The following MAP3K4 variants were observed in gnomAD, a reference collection of about 807,000 sequenced individuals.
The protein encoded by MAP3K4 is MAP three kinase 1.
A neutral mutation model predicts 185.6 loss-of-function variants in MAP3K4; 67 were observed. The ratio of observed to expected loss-of-function variants is 0.36; its 90% CI spans 0.30 to 0.44. The LOEUF (loss-of-function observed/expected upper bound fraction) is 0.44. Ranked by LOEUF, MAP3K4 falls within the 20% of genes least tolerant of loss-of-function variation. The probability of loss-of-function intolerance (pLI) is 1.00; values close to 1 mark genes in which losing one functional copy is unlikely to be tolerated. For synonymous variants in MAP3K4, 702 were observed against 710.4 expected (o/e 0.99, Z 0.19); for missense variants, 1,551 against 1,995.1 (o/e 0.78, Z 4.24).
At chr6:160,999,286 A>C (rs141308034) in intron 1 of MAP3K4, among the ~76,000 whole-genome samples, 2 of 152,272 alleles carry the variant, frequency 1.3e-5, no homozygotes, top group Admixed American at 6.5e-5. Context: ...GAAATTGTCA[A>C]CCTTTTTAGT....
At chr6:161,018,303 A>C (rs1438529849) in intron 1 of MAP3K4, among the ~76,000 whole-genome samples, 1 of 152,204 alleles carries the variant, frequency 6.6e-6, no homozygotes. Context: ...TGTGTGGAAT[A>C]GAAACTCTGC....
Position 161,102,790 on chromosome 6 carries a change from G to C in MAP3K4, c.3856+11G>C. 7 of 778,306 alleles carry C rather than the reference G, an allele frequency of 9.0e-6. No individual in the cohort carries two copies. Among genetic ancestry groups the C allele is most frequent in the Non-Finnish European group, 1.4e-5 (7 of 507,838 alleles). 48.2% of individuals were successfully genotyped at this position (778,306 alleles called of 1,614,324 possible). A position where few individuals can be genotyped will look rare whatever the true frequency, so the allele number is the denominator to read the frequency against. Reference sequence around the variant, plus strand: ...TCAGCCAGAGTAAAGGTGAGAGAAAGAGTGTTGAAGTTAAAAAAAAAAAAA... The same window carrying C: ...TCAGCCAGAGTAAAGGTGAGAGAAACAGTGTTGAAGTTAAAAAAAAAAAAA... On this transcript the variant is annotated intron_variant, in intron 19 of 26. Transcript: ENST00000392142.
chr6:161,060,866 G>A (rs879731008), intron 3 of MAP3K4, among the ~76,000 whole-genome samples: 7 of 151,968 alleles, frequency 4.6e-5, no homozygotes, highest in Admixed American at 3.3e-4. Flanking sequence ...GTGATCTGCC[G>A]GCCTCGGCCT....
Position 161,089,430 on chromosome 6 carries a change from T to G in MAP3K4, c.2932T>G (p.Ser978Ala). Residue 978 changes from serine (S) to alanine (A), a missense_variant, in exon 11 of 27, where the codon TCC becomes GCC. By Grantham distance (99) the Ser-to-Ala change is moderately conservative. Coordinates refer to ENST00000392142, the MANE Select transcript of MAP3K4 (RefSeq NM_005922.4). ...TATGACTCTGTGCCAGGAGCAGACATCCAGTCAGCCGGTCATCGCCAAAGC... is the reference window on the plus strand; with the variant it reads ...TATGACTCTGTGCCAGGAGCAGACAGCCAGTCAGCCGGTCATCGCCAAAGC... ...GLMTLCQEQT[S>A]SQPVIAKALQ... is the part of the protein sequence containing the mutation. 6.2e-7 allele frequency: 1 copy of G among 1,614,182 alleles called. No individual in the cohort carries two copies. Among genetic ancestry groups the G allele is most frequent in the East Asian group, 2.2e-5 (1 of 44,882 alleles).
chr6:161,105,070 G>A (rs759640002), intron 19 of MAP3K4, among the ~76,000 whole-genome samples: 1 of 152,164 alleles, frequency 6.6e-6, no homozygotes, highest in Non-Finnish European at 1.5e-5. Flanking sequence ...AACCATGGTT[G>A]TCAATTTATG....
rs112861446 is a variant in MAP3K4 at position 161,116,831 on chromosome 6, C to G, written c.4807-19C>G. 322 of 1,613,888 alleles carry G rather than the reference C, an allele frequency of 2.0e-4. No individual in the cohort carries two copies. Among genetic ancestry groups the G allele is most frequent in the Admixed American group, 1.3e-3 (79 of 60,022 alleles). On this transcript the variant is annotated intron_variant, in intron 26 of 26. Transcript: ENST00000392142. The surrounding 1 kb of genome is among the most constrained non-coding windows in gnomAD (Gnocchi z 6.2). ...CACCTGGCTCTGCAAGAGCTCAGCT[C>G]TCTCCTGCTTCCTCACAGGTTTGCA...
rs1264152465 is a variant in MAP3K4, at chr6:161,101,945, A to C, written c.3728A>C (p.Gln1243Pro). The C allele has an allele frequency of 6.2e-7, 1 of 1,614,054 alleles. No individual in the cohort carries two copies. The highest frequency in any genetic ancestry group is 2.2e-5 in the East Asian group (1 of 44,896). The change falls in exon 18 of 27, where the codon CAG (glutamine) becomes CCG (proline). Residue 1243 changes from glutamine (Q) to proline (P), a missense_variant. By Grantham distance (76) the Gln-to-Pro change is moderately conservative (BLOSUM62 -1). This residue lies in a region of MAP3K4 where 272 missense variants were observed against 301.2 expected (regional missense o/e 0.90). Transcript: ENST00000392142. This position sits in a 1 kb window ranked among gnomAD's most constrained non-coding sequence, Gnocchi z 5.1. ...DRLASIAAEL[Q>P]FRSLSRHSSP... Reference sequence around the variant, plus strand: ...TTGGCTTCCATAGCTGCTGAATTGCAGTTTAGGTCCCTGAGTCGTCACTCA... The same window carrying C: ...TTGGCTTCCATAGCTGCTGAATTGCCGTTTAGGTCCCTGAGTCGTCACTCA...
rs768438680 is a variant in MAP3K4, at chr6:161,093,060, T to G, written c.3348+4T>G. ...TTTACCAGAAGATGACTTCTTGGTA[T>G]GGATTATTCTAAAGTTTTTTTCATT... On this transcript the variant is annotated splice_donor_region_variant and intron_variant, in intron 14 of 26. Coordinates refer to ENST00000392142, the MANE Select transcript of MAP3K4 (RefSeq NM_005922.4). The surrounding 1 kb of genome is among the most constrained non-coding windows in gnomAD (Gnocchi z 5.2). 1 of 1,599,360 alleles carries G rather than the reference T, an allele frequency of 6.3e-7. No individual in the cohort carries two copies. Among genetic ancestry groups the G allele is most frequent in the South Asian group, 1.1e-5 (1 of 89,908 alleles).
At position 161,102,769 on chromosome 6, in the gene MAP3K4, C is replaced by T; in HGVS notation, c.3846C>T (p.Ser1282=). The T allele has an allele frequency of 1.3e-6, 2 of 1,533,198 alleles. No individual in the cohort carries two copies. Among genetic ancestry groups the T allele is most frequent in the Non-Finnish European group, 1.8e-6 (2 of 1,124,818 alleles). The allele number at this position is 1,533,198 out of a possible 1,614,324, so 95.0% of individuals were successfully genotyped here. ...RRSWELRTLI[S]QSKDTASKLG... ...GTTGGGAACTTCGGACACTAATCAG[C>T]CAGAGTAAAGGTGAGAGAAAGAGTG... The change falls in exon 19 of 27, where the codon AGC becomes AGT. Residue 1282 remains serine (S), a synonymous_variant. Transcript: ENST00000392142.
intron 5 of MAP3K4, among the ~76,000 whole-genome samples, chr6:161,079,898 G>T (rs1028236958): frequency 6.6e-6 from 1 of 152,188 alleles, no homozygotes; most frequent in African/African-American, 2.4e-5. Flanking sequence ...GTTATTACTA[G>T]ATCTCAGAAA....
chr6:161,018,905 A>G (rs1238737774), intron 1 of MAP3K4, among the ~76,000 whole-genome samples: 1 of 152,256 alleles, frequency 6.6e-6, no homozygotes, highest in Non-Finnish European at 1.5e-5. Context: ...ACGTGAAATG[A>G]TAGATATGCT....
intron 1 of MAP3K4, among the ~76,000 whole-genome samples, chr6:161,019,690 T>G (rs946976583): frequency 2.0e-5 from 3 of 152,230 alleles, no homozygotes; most frequent in African/African-American, 7.2e-5. Flanking sequence ...ATTACAGGCG[T>G]GAGCTGTGGA....
Position 161,048,875 on chromosome 6 carries a change from T to A in MAP3K4, c.603T>A (p.Ser201=). 6.2e-7 allele frequency: 1 copy of A among 1,614,236 alleles called. No individual in the cohort carries two copies. Among genetic ancestry groups the A allele is most frequent in the Non-Finnish European group, 8.5e-7 (1 of 1,180,050 alleles). The change falls in exon 3 of 27, where the codon TCT becomes TCA. Residue 201 remains serine (S), a synonymous_variant. Transcript: ENST00000392142. The surrounding 1 kb of genome is among the most constrained non-coding windows in gnomAD (Gnocchi z 4.7). Reference sequence around the variant, plus strand: ...GTAGCAATGCTAAGCTTCCAGTATCTGTGCCCATGCCTATAGCCAGACCTG... The same window carrying A: ...GTAGCAATGCTAAGCTTCCAGTATCAGTGCCCATGCCTATAGCCAGACCTG... ...LGCSNAKLPV[S]VPMPIARPAR...
intron 1 of MAP3K4, among the ~76,000 whole-genome samples, chr6:161,005,746 G>A (rs11751634): frequency 0.038 from 5,850 of 152,156 alleles, 150 homozygotes; most frequent in South Asian, 0.069. Context: ...AAATCTGTGC[G>A]TATATTTAAC....
intron 1 of MAP3K4, among the ~76,000 whole-genome samples, chr6:161,018,511 A>G (rs1400009164): frequency 1.3e-5 from 2 of 152,186 alleles, no homozygotes; most frequent in Non-Finnish European, 2.9e-5. Flanking sequence ...AAAAGCTTCT[A>G]TGGAATTGAC....
rs148292835 is a variant in MAP3K4, at chr6:161,088,794, A to G, written c.2824-528A>G. 1.8e-4 allele frequency among the ~76,000 whole-genome samples: 27 copies of G among 152,228 alleles called. No homozygotes were observed. The highest frequency in any genetic ancestry group is 3.3e-4 in the Admixed American group (5 of 15,292). ...TCAAACCTCACCTTCTGTCTCTCCA[A>G]TTCTGTGTTTGTTTTTGTGCTTCTA... On this transcript the variant is annotated intron_variant, in intron 10 of 26. Coordinates refer to ENST00000392142, the MANE Select transcript of MAP3K4 (RefSeq NM_005922.4). The surrounding 1 kb of genome is among the most constrained non-coding windows in gnomAD (Gnocchi z 4.5).
rs1784143691 is a variant in MAP3K4, at chr6:161,054,392, T to A, written c.1707+4413T>A. On this transcript the variant is annotated intron_variant, in intron 3 of 26. Transcript: ENST00000392142. This position sits in a 1 kb window ranked among gnomAD's most constrained non-coding sequence, Gnocchi z 4.2. Reference sequence around the variant, plus strand: ...CTGGTCTCAAACTCCTGACCTCACATGATCCACCCGCCTTGGCCTCCCAAA... The same window carrying A: ...CTGGTCTCAAACTCCTGACCTCACAAGATCCACCCGCCTTGGCCTCCCAAA... 6.6e-6 allele frequency among the ~76,000 whole-genome samples: 1 copy of A among 152,190 alleles called. No homozygotes were observed. The highest frequency in any genetic ancestry group is 1.5e-5 in the Non-Finnish European group (1 of 68,034).
In MAP3K4 at chr6:161,116,406, G is replaced by A. The variant is rs905573182; in HGVS notation, c.4807-444G>A. 3.3e-5 allele frequency among the ~76,000 whole-genome samples: 5 copies of A among 152,000 alleles called. No homozygotes were observed. The highest frequency in any genetic ancestry group is 1.3e-4 in the Admixed American group (2 of 15,256). Reference sequence around the variant, plus strand: ...GACAAGGGGATGAGAACAGAGCCCTGGAGAAAAGAGCCTTGCAAGGGCCCT... The same window carrying A: ...GACAAGGGGATGAGAACAGAGCCCTAGAGAAAAGAGCCTTGCAAGGGCCCT... On this transcript the variant is annotated intron_variant, in intron 26 of 26. Coordinates refer to ENST00000392142, the MANE Select transcript of MAP3K4 (RefSeq NM_005922.4). The surrounding 1 kb of genome is among the most constrained non-coding windows in gnomAD (Gnocchi z 6.2).
chr6:161,079,644 C>T (rs1785351242), intron 5 of MAP3K4, among the ~76,000 whole-genome samples: 1 of 152,166 alleles, frequency 6.6e-6, no homozygotes, highest in African/African-American at 2.4e-5. Context: ...AAGCTGTCCT[C>T]AGGAAGGAAA....
Sources: allele counts gnomAD v4.1 joint callset (sites outside exome capture counted in the v4.1 genomes callset), GRCh38; gene constraint gnomAD v4.1.1; regional missense constraint gnomAD v4.1.1; non-coding constraint Gnocchi (gnomAD v3.1); transcripts MANE v1.5; gene names NCBI Gene and HGNC (gene_info 2026-07-23, HGNC 2026-07-21).